The following GBP7 variants were observed in gnomAD, a reference collection of about 807,000 sequenced individuals.
The protein encoded by GBP7 is guanylate-binding protein 7.
A neutral mutation model predicts 61.3 loss-of-function variants in GBP7; 43 were observed. The ratio of observed to expected loss-of-function variants is 0.70; its 90% CI spans 0.55 to 0.91. GBP7 has a LOEUF of 0.91. Ranked by LOEUF, GBP7 falls within the 40% of genes least tolerant of loss-of-function variation. The probability of loss-of-function intolerance (pLI) is 0.00; values close to 1 mark genes in which losing one functional copy is unlikely to be tolerated. For missense variants in GBP7, 717 were observed against 740.5 expected (o/e 0.97, Z 0.37); for synonymous variants, 267 against 271.0 (o/e 0.99, Z 0.14).
chr1:89,140,298 G>T (rs1245043039), intron 9 of GBP7, among the ~76,000 whole-genome samples: 3 of 116,086 alleles, frequency 2.6e-5, no homozygotes, highest in Non-Finnish European at 5.2e-5. Context: ...TGTGGGGTGG[G>T]GGGAGGGGGG....
chr1:89,132,406 A>G lies in GBP7; in HGVS notation c.1663-3T>C, dbSNP rs1681702327. ...TCAGTAAGCAGTTCTTCTAGGACCT[A>G]TAAAAGTAAAAGAGCCTACTTTTGA... On this transcript the variant is annotated splice_polypyrimidine_tract_variant and splice_region_variant and intron_variant, in intron 10 of 10. Transcript: ENST00000294671. The G allele has an allele frequency of 7.0e-6, 11 of 1,575,048 alleles. No individual in the cohort carries two copies. Among genetic ancestry groups the G allele is most frequent in the Non-Finnish European group, 8.6e-6 (10 of 1,167,506 alleles).
chr1:89,172,430 T>C (rs1647631399), intron 1 of GBP7, among the ~76,000 whole-genome samples: 1 of 152,276 alleles, frequency 6.6e-6, no homozygotes, highest in Admixed American at 6.5e-5. Flanking sequence ...TTGTCTTTCA[T>C]GTCTTTGACA....
chr1:89,160,265 A>G (rs938638456), intron 3 of GBP7, among the ~76,000 whole-genome samples: 1 of 151,972 alleles, frequency 6.6e-6, no homozygotes, highest in Non-Finnish European at 1.5e-5. Context: ...AATGTAAATG[A>G]CAAGTTAATG....
At chr1:89,165,768 G>T (rs1025275881) in intron 2 of GBP7, among the ~76,000 whole-genome samples, 2 of 152,120 alleles carry the variant, frequency 1.3e-5, no homozygotes, top group East Asian at 1.9e-4. Flanking sequence ...GGGCCTGTTG[G>T]GGGGTGGGGG....
chr1:89,158,845 A>G (rs958811854), intron 3 of GBP7, among the ~76,000 whole-genome samples: 16 of 152,212 alleles, frequency 1.1e-4, no homozygotes, highest in Non-Finnish European at 1.9e-4. Context: ...TTCTTCACAG[A>G]ATTGGAAAAA....
At chr1:89,149,636 A>G (rs1682147515) in intron 6 of GBP7, 64 bp from the exon 7 acceptor site, 11 of 1,345,218 alleles carry the variant, frequency 8.2e-6, no homozygotes, top group East Asian at 4.8e-5. Context: ...TACGAGTGGT[A>G]TGTATCAGCA....
rs890638664 is a variant in GBP7, at chr1:89,133,256, A to G, written c.1662+2T>C. On this transcript the variant is annotated splice_donor_variant, in intron 10 of 10. Coordinates refer to ENST00000294671, the MANE Select transcript of GBP7 (RefSeq NM_207398.3). LOFTEE classifies it high-confidence loss of function. ...GCACTGCCAAGCTTCATCCAGACTC[A>G]CCTTCATCTTGTGACTCAACATCTT... is the stretch of plus-strand genomic sequence containing the variant. 3 of 1,612,100 alleles carry G rather than the reference A, an allele frequency of 1.9e-6. No individual in the cohort carries two copies. Among genetic ancestry groups the G allele is most frequent in the Admixed American group, 1.7e-5 (1 of 59,926 alleles).
chr1:89,167,169 T>A (rs771375067), intron 2 of GBP7, among the ~76,000 whole-genome samples: 2 of 152,058 alleles, frequency 1.3e-5, no homozygotes, highest in African/African-American at 4.8e-5. Flanking sequence ...CTTGGAATGA[T>A]CATCAGCCCC....
At chr1:89,141,043 T>G (rs1251203775) in intron 9 of GBP7, among the ~76,000 whole-genome samples, 1 of 152,102 alleles carries the variant, frequency 6.6e-6, no homozygotes, top group Non-Finnish European at 1.5e-5. Flanking sequence ...AGGACCTACT[T>G]GAGGGTGGAG....
At chr1:89,164,583 G>A (rs1647366296) in intron 3 of GBP7, 148 bp downstream of exon 3, 16 of 744,042 alleles carry the variant, frequency 2.2e-5, no homozygotes, top group Middle Eastern at 3.8e-4. Flanking sequence ...TACCAAGAAA[G>A]TAAGTTCCAG....
chr1:89,153,061 G>A (rs1364737549), intron 3 of GBP7, among the ~76,000 whole-genome samples: 3 of 152,188 alleles, frequency 2.0e-5, no homozygotes, highest in African/African-American at 7.2e-5. Context: ...CTTCCTTTAT[G>A]CTTTATCAGT....
At position 89,138,339 on chromosome 1, in the gene GBP7, A is replaced by C. The variant is rs556841808; in HGVS notation, c.1468+3207T>G. ...CATCCACATGGAACAACAACAACAA[A>C]AAAACCCCGAGTAGCCAAGGCACTC... On this transcript the variant is annotated intron_variant, in intron 9 of 10. Coordinates refer to ENST00000294671, the MANE Select transcript of GBP7 (RefSeq NM_207398.3). 3.3e-5 allele frequency among the ~76,000 whole-genome samples: 5 copies of C among 152,256 alleles called. No homozygotes were observed. In the East Asian group the frequency reaches 9.6e-4, roughly 29 times the overall value.
At chr1:89,133,783 T>C (rs1681732667) in intron 9 of GBP7, among the ~76,000 whole-genome samples, 1 of 152,130 alleles carries the variant, frequency 6.6e-6, no homozygotes, top group South Asian at 2.1e-4. Flanking sequence ...TCTGAAATCC[T>C]AGCTTTAGGA....
intron 2 of GBP7, among the ~76,000 whole-genome samples, chr1:89,167,162 G>A (rs1647467776): frequency 6.6e-6 from 1 of 151,994 alleles, no homozygotes; most frequent in South Asian, 2.1e-4. Flanking sequence ...AGCTCATCTT[G>A]GAATGATCAT....
intron 8 of GBP7, among the ~76,000 whole-genome samples, chr1:89,143,127 C>A (rs1681991333): frequency 6.6e-6 from 1 of 152,028 alleles, no homozygotes; most frequent in Non-Finnish European, 1.5e-5. Flanking sequence ...AATTGATGTT[C>A]TGATTTATAC....
At chr1:89,160,944 C>G (rs895924486) in intron 3 of GBP7, among the ~76,000 whole-genome samples, 1 of 152,070 alleles carries the variant, frequency 6.6e-6, no homozygotes, top group Non-Finnish European at 1.5e-5. Context: ...CCATTATCCA[C>G]CCTCAGATAG....
rs747869441 is a variant in GBP7, at chr1:89,132,168, C to T, written c.1898G>A (p.Gly633Asp). ...SSLCNRLRNPGKKIIS is the reference protein window; with the variant it reads ...SSLCNRLRNPDKKIIS ...GAAACCTCAGCTTATAATTTTCTTA[C>T]CAGGATTTCTCAGCCTATTACATAA... The change falls in exon 11 of 11, where the codon GGT (glycine) becomes GAT (aspartate). Residue 633 changes from glycine (G) to aspartate (D), a missense_variant. Coordinates refer to ENST00000294671, the MANE Select transcript of GBP7 (RefSeq NM_207398.3). The T allele has an allele frequency of 2.5e-6, 4 of 1,605,766 alleles. No homozygotes were observed. The highest frequency in any genetic ancestry group is 1.7e-4 in the Middle Eastern group (1 of 5,946).
chr1:89,141,500 G>T, intron 9 of GBP7, 46 bp downstream of exon 9: 1 of 1,533,166 alleles, frequency 6.5e-7, no homozygotes, highest in Non-Finnish European at 9.0e-7. Flanking sequence ...AGAGAGTGTT[G>T]CAAGAACCTA....
rs769460500 is a variant in GBP7, at chr1:89,149,586, GA to G, written c.872-15del. 2 of 1,593,362 alleles carry G rather than the reference GA, an allele frequency of 1.3e-6. No homozygotes were observed. Among genetic ancestry groups the G allele is most frequent in the Non-Finnish European group, 1.7e-6 (2 of 1,165,636 alleles). On this transcript the variant is annotated splice_polypyrimidine_tract_variant and intron_variant, in intron 6 of 10. Coordinates refer to ENST00000294671, the MANE Select transcript of GBP7 (RefSeq NM_207398.3). Reference sequence around the variant, plus strand: ...GCATCCCCAGCCCTGAATGATTTAGGAAATTTAGGGAATAGATAGAAAGTTT... The same window carrying G: ...GCATCCCCAGCCCTGAATGATTTAGGAATTTAGGGAATAGATAGAAAGTTT...
Sources: allele counts gnomAD v4.1 joint callset (sites outside exome capture counted in the v4.1 genomes callset), GRCh38; gene constraint gnomAD v4.1.1; transcripts MANE v1.5; gene names NCBI Gene and HGNC (gene_info 2026-07-23, HGNC 2026-07-21).